Variants in TBC1D32 observed in about 807,000 individuals in gnomAD.
TBC1D32 encodes TBC1 domain family member 32.
A neutral mutation model predicts 170.3 loss-of-function variants in TBC1D32; 151 were observed. That is an observed-to-expected ratio of 0.89 (90% confidence interval 0.78 to 1.01). TBC1D32 has a LOEUF of 1.01. Ranked by LOEUF, TBC1D32 falls within the 50% of genes least tolerant of loss-of-function variation. The pLI is 0.00. For synonymous variants in TBC1D32, 498 were observed against 488.0 expected, an observed-to-expected ratio of 1.02 and a Z score of -0.27; for missense variants, 1,464 against 1,457.1, an observed-to-expected ratio of 1.00 and a Z score of -0.08.
intron 29 of TBC1D32, among the ~76,000 whole-genome samples, chr6:121,110,823 T>C (rs889944768): frequency 6.6e-6 from 1 of 152,216 alleles, no homozygotes; most frequent in Non-Finnish European, 1.5e-5. Flanking sequence ...GTAGCAGCAC[T>C]TAGCTAACAG....
At chr6:121,142,104 C>G (rs539855057) in intron 24 of TBC1D32, among the ~76,000 whole-genome samples, 6 of 152,212 alleles carry the variant, frequency 3.9e-5, no homozygotes, top group African/African-American at 1.4e-4. Context: ...TAAATAAATG[C>G]GAGCATCGCC....
chr6:121,171,300 C>A (rs1032013233), intron 22 of TBC1D32, among the ~76,000 whole-genome samples: 1 of 133,074 alleles, frequency 7.5e-6, no homozygotes, highest in South Asian at 2.3e-4. Context: ...GAAACAGAGA[C>A]GAAAAGAAAC....
At position 121,209,387 on chromosome 6, in the gene TBC1D32, T is replaced by C. The variant is rs368207469; in HGVS notation, c.2482-4224A>G. On this transcript the variant is annotated intron_variant, in intron 21 of 31. Transcript: ENST00000398212. Reference sequence around the variant, plus strand: ...AGTTTTTAAGTATATAATACTGTATTGCTAACTATAGGCACTATGTTGTAC... The same window carrying C: ...AGTTTTTAAGTATATAATACTGTATCGCTAACTATAGGCACTATGTTGTAC... Among the ~76,000 whole-genome samples, 9 of 152,298 alleles carry C rather than the reference T, an allele frequency of 5.9e-5. No individual in the cohort carries two copies. The East Asian group carries it at 1.5e-3, about 26-fold the overall frequency.
intron 22 of TBC1D32, among the ~76,000 whole-genome samples, chr6:121,188,629 CA>C (rs1562827898): frequency 6.6e-6 from 1 of 152,020 alleles, no homozygotes; most frequent in Admixed American, 6.6e-5. Flanking sequence ...CTCCCCCCAA[CA>C]AAAACAAAAC....
At chr6:121,203,183 C>G (rs1174020379) in intron 22 of TBC1D32, among the ~76,000 whole-genome samples, 1 of 151,132 alleles carries the variant, frequency 6.6e-6, no homozygotes, top group East Asian at 1.9e-4. Flanking sequence ...AGATTTATCA[C>G]CATTAGATAT....
chr6:121,257,125 T>C (rs891362796), intron 15 of TBC1D32, among the ~76,000 whole-genome samples: 5 of 152,214 alleles, frequency 3.3e-5, no homozygotes, highest in Non-Finnish European at 7.3e-5. Context: ...CATGTTTATT[T>C]GGATAACTAC....
intron 22 of TBC1D32, among the ~76,000 whole-genome samples, chr6:121,179,645 A>C (rs1788256111): frequency 6.6e-6 from 1 of 152,168 alleles, no homozygotes; most frequent in South Asian, 2.1e-4. Context: ...AAAGACGTGC[A>C]TTCTCGACTA....
chr6:121,242,979 C>T (rs946294955), intron 17 of TBC1D32, among the ~76,000 whole-genome samples: 1 of 151,778 alleles, frequency 6.6e-6, no homozygotes, highest in East Asian at 1.9e-4. Context: ...TACCTAATTA[C>T]TTTTTACTTT....
intron 29 of TBC1D32, among the ~76,000 whole-genome samples, chr6:121,109,190 T>C (rs1778980084): frequency 1.3e-5 from 2 of 152,178 alleles, no homozygotes; most frequent in African/African-American, 4.8e-5. Flanking sequence ...AATTTAAATG[T>C]AAATTTATAC....
chr6:121,223,388 C>T (rs769383080), intron 20 of TBC1D32, 36 bp from the exon 21 acceptor site: 6 of 1,396,662 alleles, frequency 4.3e-6, no homozygotes, highest in East Asian at 2.3e-5. Context: ...AAATGATTCA[C>T]TTTTGTCAAC....
chr6:121,156,731 T>A (rs1784937780), intron 24 of TBC1D32, among the ~76,000 whole-genome samples: 1 of 73,688 alleles, frequency 1.4e-5, no homozygotes, highest in Non-Finnish European at 5.5e-5. Flanking sequence ...TTGATTAGTT[T>A]CAAAGAAAGT....
chr6:121,242,220 C>G lies in TBC1D32; in HGVS notation c.2138G>C (p.Arg713Pro). 1 of 1,610,282 alleles carries G rather than the reference C, an allele frequency of 6.2e-7. No individual in the cohort carries two copies. The highest frequency in any genetic ancestry group is 8.5e-7 in the Non-Finnish European group (1 of 1,178,642). Residue 713 changes from arginine to proline, a missense_variant, in exon 18 of 32, where the codon CGA (arginine) becomes CCA (proline). Physicochemically the swap from Arg to Pro is moderately radical, Grantham distance 103. Coordinates refer to ENST00000398212, the MANE Select transcript of TBC1D32 (RefSeq NM_152730.6). ...TCATACCTGTAATTTTTTTGCATAT[C>G]GATTGAATATAAATGTCACACATTC... is the stretch of plus-strand genomic sequence containing the variant. ...INECVTFIFNRYAKKLQVSRH... is the reference protein window; with the variant it reads ...INECVTFIFNPYAKKLQVSRH...
chr6:121,127,293 G>T (rs932447146), intron 25 of TBC1D32, among the ~76,000 whole-genome samples: 6 of 152,090 alleles, frequency 3.9e-5, no homozygotes, highest in African/African-American at 1.4e-4. Context: ...TGTTCAACAG[G>T]TGAAAAGTCC....
chr6:121,116,749 TG>T (rs1443873923), intron 26 of TBC1D32, among the ~76,000 whole-genome samples: 1 of 152,124 alleles, frequency 6.6e-6, no homozygotes, highest in Non-Finnish European at 1.5e-5. Context: ...CCAAAGGAAT[TG>T]GATGTGTTAA....
At chr6:121,242,144 TA>T in intron 18 of TBC1D32, 56 bp downstream of exon 18, 1 of 1,554,738 alleles carries the variant, frequency 6.4e-7, no homozygotes, top group Non-Finnish European at 8.8e-7. Context: ...ATGATGTTCT[TA>T]ATGGCTTTTA....
At position 121,113,040 on chromosome 6, in the gene TBC1D32, T is replaced by G. The variant is rs1228093901; in HGVS notation, c.3169+22A>C. ...ATATGTGAAAAAAATTAAGCTATTGTGAATATACTCAAAAAGGATATGAAG... is the reference window on the plus strand; with the variant it reads ...ATATGTGAAAAAAATTAAGCTATTGGGAATATACTCAAAAAGGATATGAAG... On this transcript the variant is annotated intron_variant, in intron 28 of 31. Transcript: ENST00000398212. 2.6e-6 allele frequency: 4 copies of G among 1,544,162 alleles called. No homozygotes were observed. In the South Asian group the frequency reaches 4.7e-5, roughly 18 times the overall value.
At chr6:121,215,302 C>G (rs1276267213) in intron 21 of TBC1D32, among the ~76,000 whole-genome samples, 1 of 152,212 alleles carries the variant, frequency 6.6e-6, no homozygotes, top group Non-Finnish European at 1.5e-5. Flanking sequence ...CAGGGATCCA[C>G]CACTATCTAC....
chr6:121,229,168 A>G (rs1162387368), intron 20 of TBC1D32, among the ~76,000 whole-genome samples: 1 of 152,004 alleles, frequency 6.6e-6, no homozygotes, highest in Non-Finnish European at 1.5e-5. Flanking sequence ...TGTGCCTACA[A>G]TTACCTCGCC....
intron 24 of TBC1D32, among the ~76,000 whole-genome samples, chr6:121,149,604 C>T (rs1045685898): frequency 2.0e-5 from 3 of 152,010 alleles, no homozygotes; most frequent in African/African-American, 7.2e-5. Flanking sequence ...CTGTTCTGTT[C>T]CATTGGTCTA....
Sources: gnomAD v4.1 joint callset for allele counts (sites outside exome capture counted in the v4.1 genomes callset) on GRCh38, gnomAD v4.1.1 for gene constraint, MANE v1.5 for transcripts, NCBI Gene and HGNC (gene_info 2026-07-23, HGNC 2026-07-21) for gene names.